The following RASGRF1 variants were observed in gnomAD, a reference collection of about 807,000 sequenced individuals.
The protein encoded by RASGRF1 is Ras protein specific guanine nucleotide releasing factor 1, also known as ras-specific guanine nucleotide-releasing factor 1.
Under a neutral mutation model 138.7 loss-of-function variants are expected in RASGRF1, and 40 were observed. The ratio of observed to expected loss-of-function variants is 0.29; its 90% confidence interval spans 0.22 to 0.38. RASGRF1 has a LOEUF of 0.38. Ranked by LOEUF, RASGRF1 falls within the 10% of genes least tolerant of loss-of-function variation. RASGRF1 has a pLI of 1.00. For missense variants in RASGRF1, 1,108 were observed against 1,650.4 expected (o/e 0.67, Z 5.69); for synonymous variants, 614 against 663.2 (o/e 0.93, Z 1.14).
intron 24 of RASGRF1, chr15:78,978,785 C>T: frequency 8.9e-7 from 1 of 1,128,078 alleles, no homozygotes; most frequent in Non-Finnish European, 1.1e-6. Context: ...CAGGTTTCCC[C>T]AGTCCCTCCC....
At chr15:78,994,891 T>C (rs576463801) in intron 20 of RASGRF1, among the ~76,000 whole-genome samples, 31 of 151,076 alleles carry the variant, frequency 2.1e-4, no homozygotes, top group African/African-American at 6.6e-4. Context: ...GGGCCTCCCC[T>C]TGAGGCTTCG....
In RASGRF1 at chr15:78,999,843, A is replaced by C; in HGVS notation, c.2646T>G (p.Ser882Arg). The C allele has an allele frequency of 6.2e-7, 1 of 1,614,144 alleles. No individual in the cohort carries two copies. Residue 882 changes from serine (S) to arginine (R), a missense_variant, in exon 17 of 27, where the codon AGT becomes AGG. Ser to Arg is a moderately radical substitution (Grantham distance 110). This residue lies in a region of RASGRF1 where 686 missense variants were observed against 976.7 expected (regional missense o/e 0.70). Transcript: ENST00000558480. Reference sequence around the variant, plus strand: ...CAAAGGCAGAGGCGGCCGACAAGGCACTGCGGTTATTGTCCAGTTCACGAC... The same window carrying C: ...CAAAGGCAGAGGCGGCCGACAAGGCCCTGCGGTTATTGTCCAGTTCACGAC... ...TSCRELDNNR[S>R]ALSAASAFAI... is the part of the protein sequence containing the mutation.
chr15:79,058,411 T>C lies in RASGRF1; in HGVS notation c.454A>G (p.Thr152Ala). The C allele has an allele frequency of 1.2e-6, 2 of 1,614,176 alleles. No homozygotes were observed. Among genetic ancestry groups the C allele is most frequent in the Non-Finnish European group, 1.7e-6 (2 of 1,180,032 alleles). ...AGCTGCTTGGCCACGGTCTTCTCTG[T>C]CTCCACGATCTGCAGCAGGTGCAGG... ...KYLHLLQIVE[T>A]EKTVAKQLRQ... The change falls in exon 3 of 27, where the codon ACA becomes GCA. Residue 152 changes from threonine to alanine, a missense_variant. Physicochemically the swap from Thr to Ala is moderately conservative, Grantham distance 58. This residue lies in a region of RASGRF1 where 253 missense variants were observed against 329.5 expected (regional missense o/e 0.77). Transcript: ENST00000558480.
chr15:79,063,548 C>T (rs1238628890), intron 2 of RASGRF1, among the ~76,000 whole-genome samples: 3 of 152,246 alleles, frequency 2.0e-5, no homozygotes, highest in African/African-American at 7.2e-5. Context: ...CCTCCAACCA[C>T]CCATCCATCC....
chr15:79,008,763 C>T (rs1004417329), intron 13 of RASGRF1, among the ~76,000 whole-genome samples: 3 of 152,152 alleles, frequency 2.0e-5, no homozygotes, highest in Admixed American at 6.5e-5. Flanking sequence ...CTCTCACTAC[C>T]GTGAGACAAA....
intron 2 of RASGRF1, among the ~76,000 whole-genome samples, chr15:79,061,431 T>TATATATATATATATATATAA (rs1555461889): frequency 1.2e-4 from 17 of 144,620 alleles, no homozygotes; most frequent in Non-Finnish European, 2.3e-4. Flanking sequence ...TATATATATA[T>TATATATATATATATATATAA]CATTCATTTT....
Position 78,991,726 on chromosome 15 carries a change from C to T in RASGRF1, c.3096G>A (p.Leu1032=). 1 of 1,614,136 alleles carries T rather than the reference C, an allele frequency of 6.2e-7. No homozygotes were observed. The highest frequency in any genetic ancestry group is 1.7e-5 in the Admixed American group (1 of 60,026). The change falls in exon 21 of 27, where the codon CTG becomes CTA. Residue 1032 remains leucine (L), a synonymous_variant. Transcript: ENST00000558480. ...SALEIAEQLT[L]LDHLVFKKIP... ...TCTTCTTGAAGACGAGGTGATCTAG[C>T]AGGGTCAGCTGCTCCGCGATCTCCA...
At chr15:79,048,677 A>G (rs1321533800) in intron 4 of RASGRF1, among the ~76,000 whole-genome samples, 1 of 152,218 alleles carries the variant, frequency 6.6e-6, no homozygotes, top group Non-Finnish European at 1.5e-5. Flanking sequence ...ACAAATTTTT[A>G]AAAATGTAAA....
At chr15:78,969,706 T>C (rs1011283080) in intron 26 of RASGRF1, among the ~76,000 whole-genome samples, 8 of 152,026 alleles carry the variant, frequency 5.3e-5, no homozygotes, top group African/African-American at 1.9e-4. Context: ...ATTCTAGGAT[T>C]CTATGGCCCC....
In RASGRF1 at chr15:79,015,368, T is replaced by C; in HGVS notation, c.1785A>G (p.Ala595=). 1 of 1,614,164 alleles carries C rather than the reference T, an allele frequency of 6.2e-7. No homozygotes were observed. The highest frequency in any genetic ancestry group is 8.5e-7 in the Non-Finnish European group (1 of 1,179,980). ...CAGTGACCTTGGAATTTTCTTCAAA[T>C]GCGTTCATCATGAGCCCATTGCATC... ...NIRCNGLMMN[A]FEENSKVTVP... The change falls in exon 13 of 27, where the codon GCA becomes GCG. Residue 595 remains alanine (A), a synonymous_variant. Transcript: ENST00000558480.
chr15:78,993,509 T>G (rs117499319), intron 20 of RASGRF1, among the ~76,000 whole-genome samples: 2,479 of 152,062 alleles, frequency 0.016, 28 homozygotes, highest in Middle Eastern at 0.024. Context: ...ACATGAAGCC[T>G]TTGGGGACAC....
Position 78,999,783 on chromosome 15 carries a change from T to C in RASGRF1, c.2706A>G (p.Pro902=). ...ACATCCTCCGGTACTTCTCCTTGTT[T>C]GGGGTGCCCTCGTTGGCCCCGGCGG... is the stretch of plus-strand genomic sequence containing the variant. The part of the protein sequence containing the change: ...IATAGANEGT[P]NKEKYRRMSL... Residue 902 remains proline (P), a synonymous_variant, in exon 17 of 27, where the codon CCA becomes CCG. Coordinates refer to ENST00000558480, the MANE Select transcript of RASGRF1 (RefSeq NM_001145648.3). 1 of 1,614,164 alleles carries C rather than the reference T, an allele frequency of 6.2e-7. No homozygotes were observed. Among genetic ancestry groups the C allele is most frequent in the African/African-American group, 1.3e-5 (1 of 75,046 alleles).
chr15:79,089,483 T>TGCG lies in RASGRF1; in HGVS notation c.276+737_276+739dup, dbSNP rs368258177. Among the ~76,000 whole-genome samples the TGCG allele has an allele frequency of 1.2e-3, 184 of 152,234 alleles. 2 individuals are homozygous for TGCG. In the South Asian group the frequency reaches 0.029, roughly 24 times the overall value. On this transcript the variant is annotated intron_variant, in intron 1 of 26. Coordinates refer to ENST00000558480, the MANE Select transcript of RASGRF1 (RefSeq NM_001145648.3). ...CAGAGCGCAGCGCTATAGCCGCGACTGCGGCGGCGGCGGCGGCGCAGGGGG... is the reference window on the plus strand; with the variant it reads ...CAGAGCGCAGCGCTATAGCCGCGACTGCGGCGGCGGCGGCGGCGGCGCAGGGGG...
rs2056379198 is a variant in RASGRF1, at chr15:78,995,799, T to A, written c.2968A>T (p.Thr990Ser). The change falls in exon 20 of 27, where the codon ACT (threonine) becomes TCT (serine). Residue 990 changes from threonine to serine, a missense_variant and splice_region_variant. Coordinates refer to ENST00000558480, the MANE Select transcript of RASGRF1 (RefSeq NM_001145648.3). ...TCACCTGGGTCCTCCTGGGTCAGAG[T>A]CCTAGGCAGGAGCGAGAAGGCACGG... ...ERKAAANIIRTLTQEDPGDNQ... is the reference protein window; with the variant it reads ...ERKAAANIIRSLTQEDPGDNQ... 6.2e-7 allele frequency: 1 copy of A among 1,613,888 alleles called. No homozygotes were observed. Among genetic ancestry groups the A allele is most frequent in the South Asian group, 1.1e-5 (1 of 91,078 alleles).
Position 79,090,654 on chromosome 15 carries a change from G to T in RASGRF1, c.-156C>A. 1 of 1,046,004 alleles carries T rather than the reference G, an allele frequency of 9.6e-7. No homozygotes were observed. Among genetic ancestry groups the T allele is most frequent in the African/African-American group, 1.6e-5 (1 of 62,034 alleles). 64.8% of individuals were successfully genotyped at this position (1,046,004 alleles called of 1,614,324 possible). On this transcript the variant is annotated 5_prime_UTR_variant, in exon 1 of 27. Transcript: ENST00000558480. ...AAATATCTACACTCCAGGATCTGGC[G>T]CCGAGCCGCGGCTTCTTGAATCCAG...
intron 1 of RASGRF1, among the ~76,000 whole-genome samples, chr15:79,067,329 C>T (rs762361541): frequency 2.1e-4 from 32 of 152,200 alleles, no homozygotes; most frequent in South Asian, 4.1e-4. Context: ...GGATCTACCA[C>T]GCCTCAGGCA....
At chr15:79,060,499 C>T (rs1343252722) in intron 2 of RASGRF1, among the ~76,000 whole-genome samples, 3 of 152,186 alleles carry the variant, frequency 2.0e-5, no homozygotes, top group Non-Finnish European at 4.4e-5. Context: ...TCTGCATTAC[C>T]TGGCAGTTGC....
At chr15:78,972,037 C>T (rs1001701979) in intron 25 of RASGRF1, 103 bp from the exon 26 acceptor site, 60 of 986,644 alleles carry the variant, frequency 6.1e-5, no homozygotes, top group East Asian at 2.4e-5. Context: ...TGAAGTCAGC[C>T]TCTTAATTCC....
chr15:79,038,162 C>A (rs2141011746), intron 5 of RASGRF1, among the ~76,000 whole-genome samples: 1 of 152,182 alleles, frequency 6.6e-6, no homozygotes, highest in African/African-American at 2.4e-5. Context: ...GATTGGGGAC[C>A]CCTGATATAT....
Sources: gnomAD v4.1 joint callset for allele counts (sites outside exome capture counted in the v4.1 genomes callset) on GRCh38, gnomAD v4.1.1 for gene constraint, gnomAD v4.1.1 regional missense constraint, MANE v1.5 for transcripts, NCBI Gene and HGNC (gene_info 2026-07-23, HGNC 2026-07-21) for gene names.